MTCL1: variants seen among roughly 807,000 people sequenced by gnomAD.
MTCL1 encodes the protein microtubule crosslinking factor 1.
MTCL1 carries 79 observed loss-of-function variants against 141.4 expected under a neutral mutation model. The ratio of observed to expected loss-of-function variants is 0.56; its 90% CI spans 0.47 to 0.67. The LOEUF is 0.67. Among genes scored for constraint, MTCL1 ranks in the 30% least tolerant of loss-of-function variants. The pLI is 0.00. For missense variants in MTCL1, 2,177 were observed against 2,113.9 expected (o/e 1.03, Z -0.59); for synonymous variants, 914 against 875.8 (o/e 1.04, Z -0.77).
intron 6 of MTCL1, 148 bp from the exon 6 acceptor site, chr18:8,785,788 C>T (rs2096551128): frequency 3.3e-6 from 3 of 910,760 alleles, no homozygotes; most frequent in South Asian, 3.6e-5. Context: ...TCGTGCTGTT[C>T]TTTGGTCGTT....
intron 10 of MTCL1, chr18:8,800,892 C>T (rs2076096094): frequency 7.3e-6 from 1 of 136,878 alleles, no homozygotes; most frequent in African/African-American, 2.8e-5. Flanking sequence ...ACCTAATTAT[C>T]ATTTAGTAAA....
At chr18:8,720,277 T>TAGTA (rs2096160717) in intron 3 of MTCL1, 61 bp from the exon 3 acceptor site, 1 of 1,562,410 alleles carries the variant, frequency 6.4e-7, no homozygotes. Flanking sequence ...TGTTGTCTGA[T>TAGTA]AGTACCCTTA....
chr18:8,753,120 A>G (rs1003373407), intron 4 of MTCL1, among the ~76,000 whole-genome samples: 1 of 152,252 alleles, frequency 6.6e-6, no homozygotes, highest in Non-Finnish European at 1.5e-5. Flanking sequence ...CTTCTGGCAC[A>G]GACAGAAGTC....
intron 10 of MTCL1, among the ~76,000 whole-genome samples, chr18:8,806,613 G>T (rs930601666): frequency 6.6e-6 from 1 of 152,072 alleles, no homozygotes; most frequent in Admixed American, 6.5e-5. Flanking sequence ...CCCAGGTTCC[G>T]GCGTCTGAAC....
intron 10 of MTCL1, among the ~76,000 whole-genome samples, chr18:8,800,079 CTCTG>C (rs759968463): frequency 4.6e-5 from 7 of 152,334 alleles, no homozygotes; most frequent in South Asian, 4.1e-4. Flanking sequence ...ATGCACAACC[CTCTG>C]TCTGTCCAAG....
chr18:8,732,251 AT>A (rs911085144), intron 4 of MTCL1, among the ~76,000 whole-genome samples: 1 of 151,822 alleles, frequency 6.6e-6, no homozygotes, highest in African/African-American at 2.4e-5. Context: ...CACCCGGCTA[AT>A]TTTTTTGATT....
chr18:8,760,478 G>C (rs1236493665), intron 4 of MTCL1, among the ~76,000 whole-genome samples: 1 of 152,200 alleles, frequency 6.6e-6, no homozygotes, highest in Non-Finnish European at 1.5e-5. Context: ...GGGGTGTGTT[G>C]TCATCTCAGC....
At chr18:8,785,696 C>T (rs1251716969) in intron 6 of MTCL1, 1 of 540,172 alleles carries the variant, frequency 1.9e-6, no homozygotes, top group Non-Finnish European at 3.3e-6. Flanking sequence ...TCAGATGTGT[C>T]CACCCGCCCC....
intron 10 of MTCL1, among the ~76,000 whole-genome samples, chr18:8,804,253 AT>A (rs576046249): frequency 0.034 from 4,594 of 135,862 alleles, 151 homozygotes; most frequent in African/African-American, 0.099. Flanking sequence ...TAATTTTTAG[AT>A]TTTTTTTTTT....
chr18:8,799,735 C>G (rs1032222900), intron 10 of MTCL1, among the ~76,000 whole-genome samples: 1 of 152,234 alleles, frequency 6.6e-6, no homozygotes, highest in Non-Finnish European at 1.5e-5. Flanking sequence ...GTTTCCCACG[C>G]ATTCACGCAG....
chr18:8,785,759 T>C, intron 6 of MTCL1, 177 bp from the exon 6 acceptor site: 1 of 727,102 alleles, frequency 1.4e-6, no homozygotes, highest in Non-Finnish European at 2.3e-6. Flanking sequence ...CACCACTGTC[T>C]TTAAGCCTGT....
intron 4 of MTCL1, among the ~76,000 whole-genome samples, chr18:8,755,207 C>T (rs546240806): frequency 4.6e-5 from 7 of 152,350 alleles, no homozygotes; most frequent in East Asian, 3.9e-4. Flanking sequence ...CAAGGTCACA[C>T]GCGTGACAGG....
At position 8,810,459 on chromosome 18, in the gene MTCL1, G is replaced by A. The variant is rs1402376079; in HGVS notation, c.2605-2520G>A. On this transcript the variant is annotated intron_variant, in intron 11 of 16. Coordinates refer to ENST00000359865, the Ensembl canonical transcript of MTCL1. The surrounding 1 kb of genome is among the most constrained non-coding windows in gnomAD (Gnocchi z 5.0). ...AGGTGTGGACACAGAGGAGCTTGTG[G>A]GCAGAAGGAGTGTCCCTTCACTGTC... Among the ~76,000 whole-genome samples, 1 of 152,164 alleles carries A rather than the reference G, an allele frequency of 6.6e-6. No individual in the cohort carries two copies. Among genetic ancestry groups the A allele is most frequent in the Admixed American group, 6.5e-5 (1 of 15,280 alleles).
At chr18:8,812,431 A>G (rs1312287400) in intron 11 of MTCL1, among the ~76,000 whole-genome samples, 3 of 152,128 alleles carry the variant, frequency 2.0e-5, no homozygotes, top group Non-Finnish European at 4.4e-5. Context: ...TCTGACTTGC[A>G]AAGTTGCTGA....
intron 11 of MTCL1, among the ~76,000 whole-genome samples, chr18:8,808,822 T>TG (rs1299378234): frequency 6.6e-6 from 1 of 152,160 alleles, no homozygotes. Flanking sequence ...CTCAGTGCAG[T>TG]GGGGGGACCT....
chr18:8,707,623 A>C (rs1410076702), intron 1 of MTCL1: 1 of 152,494 alleles, frequency 6.6e-6, no homozygotes, highest in African/African-American at 2.4e-5. Flanking sequence ...ATTTATTGTG[A>C]TCTTCAGGTT....
upstream of MTCL1, chr18:8,705,585 A>ACGCCGCGGCCGCCGCCGC: frequency 8.8e-7 from 1 of 1,137,516 alleles, no homozygotes; most frequent in Non-Finnish European, 1.1e-6. This position sits in a 1 kb window ranked among gnomAD's most constrained non-coding sequence, Gnocchi z 5.2. Flanking sequence ...GGGAGGCTGC[A>ACGCCGCGGCCGCCGCCGC]CGCCGCCGCC....
rs1229027455 is a variant in MTCL1, at chr18:8,825,902, G to A, written c.4392G>A (p.Leu1464=). ...TGCAGGACCCCTTCCAGAAGGGGCTGCGGGCCGGCAGTCGGTCTCGCTCAG... is the reference window on the plus strand; with the variant it reads ...TGCAGGACCCCTTCCAGAAGGGGCTACGGGCCGGCAGTCGGTCTCGCTCAG... Residue 1464 remains leucine, a synonymous_variant, in exon 15 of 17, where the codon CTG becomes CTA. Coordinates refer to ENST00000359865, the Ensembl canonical transcript of MTCL1. The A allele has an allele frequency of 3.7e-6, 6 of 1,612,482 alleles. No homozygotes were observed. In the East Asian group the frequency reaches 1.3e-4, roughly 36 times the overall value.
chr18:8,825,373 C>A, exon 15 of MTCL1: 2 of 1,537,618 alleles, frequency 1.3e-6, no homozygotes, highest in Non-Finnish European at 1.8e-6. Context: ...AAGGAGGTGG[C>A]CTTCTCTGTC....
Sources: allele counts gnomAD v4.1 joint callset (sites outside exome capture counted in the v4.1 genomes callset), GRCh38; gene constraint gnomAD v4.1.1; non-coding constraint Gnocchi (gnomAD v3.1); transcripts MANE v1.5; gene names NCBI Gene and HGNC (gene_info 2026-07-23, HGNC 2026-07-21).